The following CKMT1B variants were observed in gnomAD, a reference collection of about 807,000 sequenced individuals.
CKMT1B encodes creatine kinase, mitochondrial 1B.
A neutral mutation model predicts 21.8 loss-of-function variants in CKMT1B; 13 were observed. That is an observed-to-expected ratio of 0.60 (90% CI 0.39 to 0.95). The LOEUF is 0.95. Among genes scored for constraint, CKMT1B ranks in the 40% least tolerant of loss-of-function variants. The pLI is 0.00. For missense variants in CKMT1B, 157 were observed against 227.5 expected (o/e 0.69, Z 1.99); for synonymous variants, 50 against 80.3 (o/e 0.62, Z 2.02).
At chr15:43,598,741 G>C in intron 7 of CKMT1B, 86 bp from the exon 8 acceptor site, 1 of 1,471,668 alleles carries the variant, frequency 6.8e-7, no homozygotes, top group Non-Finnish European at 9.0e-7. Context: ...TCAGGAGACA[G>C]AGCTCTGAGC....
rs906210093 is a variant in CKMT1B, at chr15:43,599,190, A to C, written c.1171A>C (p.Asn391His). ...ELVQLVIDGVNYLIDCERRLE... is the reference protein window; with the variant it reads ...ELVQLVIDGVHYLIDCERRLE... ...GGTGCAACTGGTCATCGATGGAGTA[A>C]ACTATTTGATTGATTGTGAACGGCG... Residue 391 changes from asparagine to histidine, a missense_variant, in exon 9 of 9, where the codon AAC becomes CAC. Transcript: ENST00000441322. The C allele has an allele frequency of 6.2e-7, 1 of 1,613,448 alleles. No homozygotes were observed. Among genetic ancestry groups the C allele is most frequent in the Non-Finnish European group, 8.5e-7 (1 of 1,179,820 alleles).
At chr15:43,597,930 A>T in intron 6 of CKMT1B, 1 of 1,368,462 alleles carries the variant, frequency 7.3e-7, no homozygotes, top group Non-Finnish European at 9.4e-7. Flanking sequence ...GATCATCCTT[A>T]ATACACCACT....
Position 43,596,276 on chromosome 15 carries a change from G to A in CKMT1B, c.736G>A (p.Asp246Asn). ...TAAGMARDWP[D>N]ARGIWHNNEK... ...AGCAGGAATGGCTCGAGACTGGCCA[G>A]ATGCTCGTGGAATTTGGTATGAAGC... The change falls in exon 5 of 9, where the codon GAT becomes AAT. Residue 246 changes from aspartate to asparagine, a missense_variant. Coordinates refer to ENST00000441322, the MANE Select transcript of CKMT1B (RefSeq NM_001375484.1). 2.8e-6 allele frequency: 2 copies of A among 714,940 alleles called. No homozygotes were observed. Among genetic ancestry groups the A allele is most frequent in the African/African-American group, 6.0e-5 (2 of 33,600 alleles). 44.3% of individuals were successfully genotyped at this position (714,940 alleles called of 1,614,324 possible).
At chr15:43,596,367 C>T (rs779766866) in intron 5 of CKMT1B, 41 bp from the exon 6 acceptor site, 4 of 1,480,892 alleles carry the variant, frequency 2.7e-6, no homozygotes, top group African/African-American at 3.5e-5. Context: ...TCTCCCAATT[C>T]TTGCCTTGCC....
At position 43,596,287 on chromosome 15, in the gene CKMT1B, A is replaced by C. The variant is rs531998037; in HGVS notation, c.747A>C (p.Gly249=). ...GMARDWPDAR[G]IWHNNEKSFL... is the part of the protein sequence containing the mutation. ...CTCGAGACTGGCCAGATGCTCGTGG[A>C]ATTTGGTATGAAGCTGCTCATTACC... The change falls in exon 5 of 9, where the codon GGA becomes GGC. Residue 249 remains glycine, a synonymous_variant. Transcript: ENST00000441322. 108 of 778,664 alleles carry C rather than the reference A, an allele frequency of 1.4e-4. 7 individuals are homozygous for C. In the African/African-American group the frequency reaches 2.6e-3, roughly 19 times the overall value. The allele number at this position is 778,664 out of a possible 1,614,324, so 48.2% of individuals were successfully genotyped here.
In CKMT1B at chr15:43,598,299, T is replaced by C. The variant is rs748470509; in HGVS notation, c.983T>C (p.Val328Ala). The C allele has an allele frequency of 1.9e-6, 3 of 1,606,340 alleles. No individual in the cohort carries two copies. The highest frequency in any genetic ancestry group is 8.5e-7 in the Non-Finnish European group (1 of 1,178,484). Residue 328 changes from valine to alanine, a missense_variant, in exon 7 of 9, where the codon GTG (valine) becomes GCG (alanine). Transcript: ENST00000441322. ...SNLGTGLRAG[V>A]HIKLPLLSKD... Reference sequence around the variant, plus strand: ...CTGGGCACTGGACTTCGGGCAGGAGTGCACATCAAACTGCCCCTGCTAAGC... The same window carrying C: ...CTGGGCACTGGACTTCGGGCAGGAGCGCACATCAAACTGCCCCTGCTAAGC...
In CKMT1B at chr15:43,595,869, A is replaced by C. The variant is rs1431861118; in HGVS notation, c.458A>C (p.Tyr153Ser). ...CTTATCTCCCAGATCCGTTCTGGCT[A>C]CTTTGATGAGAGGTATGTATTGTCC... is the stretch of plus-strand genomic sequence containing the variant. ...DLDASKIRSG[Y>S]FDERYVLSSR... is the part of the protein sequence containing the mutation. Residue 153 changes from tyrosine (Y) to serine (S), a missense_variant, in exon 4 of 9, where the codon TAC (tyrosine) becomes TCC (serine). Transcript: ENST00000441322. 2.2e-5 allele frequency: 1 copy of C among 44,884 alleles called. No individual in the cohort carries two copies. The highest frequency in any genetic ancestry group is 5.3e-4 in the African/African-American group (1 of 1,878). The allele number at this position is 44,884 out of a possible 1,614,324, so 2.8% of individuals were successfully genotyped here.
chr15:43,597,423 G>GT (rs775288928), intron 6 of CKMT1B: 5 of 1,162,416 alleles, frequency 4.3e-6, no homozygotes, highest in African/African-American at 1.8e-5. Flanking sequence ...TTGGTCCACA[G>GT]TAAGTGCTTA....
In CKMT1B at chr15:43,597,940, T is replaced by G. The variant is rs150135252; in HGVS notation, c.877-253T>G. Reference sequence around the variant, plus strand: ...CCCTAGATCATCCTTAATACACCACTCCTTCGAGTTTTCTTCTTCCACATA... The same window carrying G: ...CCCTAGATCATCCTTAATACACCACGCCTTCGAGTTTTCTTCTTCCACATA... On this transcript the variant is annotated intron_variant, in intron 6 of 8. Coordinates refer to ENST00000441322, the MANE Select transcript of CKMT1B (RefSeq NM_001375484.1). 1,067 of 1,379,528 alleles carry G rather than the reference T, an allele frequency of 7.7e-4. 49 individuals are homozygous for G. In the African/African-American group the frequency reaches 9.2e-3, roughly 12 times the overall value. The allele number at this position is 1,379,528 out of a possible 1,614,324, so 85.5% of individuals were successfully genotyped here. A position where few individuals can be genotyped will look rare whatever the true frequency, so the allele number is the denominator to read the frequency against.
chr15:43,598,546 G>A (rs1160984715), intron 7 of CKMT1B, among the ~76,000 whole-genome samples: 3 of 148,738 alleles, frequency 2.0e-5, no homozygotes, highest in Non-Finnish European at 4.4e-5. Context: ...GGGCAACCTG[G>A]TGAAACCCCA....
chr15:43,598,179 C>A lies in CKMT1B; in HGVS notation c.877-14C>A, dbSNP rs370770304. On this transcript the variant is annotated splice_polypyrimidine_tract_variant and intron_variant, in intron 6 of 8. Transcript: ENST00000441322. ...ATCCCTGATTTTTCGTTAACAAAAC[C>A]TTTGTGGACTCAGGTGGAGAGACTT... is the stretch of plus-strand genomic sequence containing the variant. 236 of 1,608,716 alleles carry A rather than the reference C, an allele frequency of 1.5e-4. 4 individuals carry two copies. The highest frequency in any genetic ancestry group is 1.9e-4 in the Non-Finnish European group (220 of 1,179,704).
chr15:43,598,585 G>A (rs2085619685), intron 7 of CKMT1B, among the ~76,000 whole-genome samples: 1 of 148,588 alleles, frequency 6.7e-6, no homozygotes, highest in Non-Finnish European at 1.5e-5. Context: ...AAGTTAGCTG[G>A]GTGTAGTGGA....
At position 43,596,029 on chromosome 15, in the gene CKMT1B, C is replaced by A; in HGVS notation, c.618C>A (p.Tyr206Ter). Residue 206 changes from tyrosine to a stop codon, truncating the protein, a stop_gained, in exon 4 of 9, where the codon TAC becomes TAA. Transcript: ENST00000441322. LOFTEE classifies it high-confidence loss of function. ...SGLKGDLAGR[Y>*]YRLSEMTEAE... ...TGAAGGGTGACCTGGCTGGACGTTA[C>A]TATAGGCTCAGTGAGATGACAGAGG... is the stretch of plus-strand genomic sequence containing the variant. 4.9e-6 allele frequency: 1 copy of A among 203,062 alleles called. No homozygotes were observed. The highest frequency in any genetic ancestry group is 1.7e-4 in the African/African-American group (1 of 5,984). 12.6% of individuals were successfully genotyped at this position (203,062 alleles called of 1,614,324 possible).
chr15:43,598,775 G>C (rs919925045), intron 7 of CKMT1B, 52 bp from the exon 8 acceptor site: 22 of 1,558,930 alleles, frequency 1.4e-5, no homozygotes, highest in African/African-American at 4.3e-5. Context: ...TTTCAGGTAG[G>C]ACTAGTCTCT....
intron 8 of CKMT1B, 63 bp from the exon 9 acceptor site, chr15:43,599,094 G>T: frequency 6.2e-7 from 1 of 1,601,254 alleles, no homozygotes; most frequent in Non-Finnish European, 8.5e-7. Flanking sequence ...GAGCAGGCAA[G>T]TCAGTCAGTG....
intron 5 of CKMT1B, 30 bp from the exon 6 acceptor site, chr15:43,596,378 T>C: frequency 6.6e-7 from 1 of 1,519,980 alleles, no homozygotes; most frequent in South Asian, 1.2e-5. Flanking sequence ...TTGCCTTGCC[T>C]CTTGATCACT....
rs772409022 is a variant in CKMT1B, at chr15:43,598,176, A to T, written c.877-17A>T. 1.2e-6 allele frequency: 2 copies of T among 1,608,902 alleles called. No individual in the cohort carries two copies. On this transcript the variant is annotated splice_polypyrimidine_tract_variant and intron_variant, in intron 6 of 8. Transcript: ENST00000441322. Reference sequence around the variant, plus strand: ...AATATCCCTGATTTTTCGTTAACAAAACCTTTGTGGACTCAGGTGGAGAGA... The same window carrying T: ...AATATCCCTGATTTTTCGTTAACAATACCTTTGTGGACTCAGGTGGAGAGA...
chr15:43,598,709 AAG>A, intron 7 of CKMT1B, 116 bp from the exon 8 acceptor site: 1 of 1,406,578 alleles, frequency 7.1e-7, no homozygotes, highest in Non-Finnish European at 9.4e-7. Context: ...AAAAAGAAAA[AAG>A]AAAAAAGGAA....
At chr15:43,597,600 T>A in intron 6 of CKMT1B, 1 of 969,096 alleles carries the variant, frequency 1.0e-6, no homozygotes, top group South Asian at 2.0e-5. Flanking sequence ...CTAGATCCCT[T>A]GTCTCTTGAA....
Sources: allele counts gnomAD v4.1 joint callset (sites outside exome capture counted in the v4.1 genomes callset), GRCh38; gene constraint gnomAD v4.1.1; transcripts MANE v1.5; gene names NCBI Gene and HGNC (gene_info 2026-07-23, HGNC 2026-07-21).